ZDHHC3: variants seen among roughly 807,000 people sequenced by gnomAD.
ZDHHC3 encodes zDHHC palmitoyltransferase 3.
ZDHHC3 carries 9 observed loss-of-function variants against 30.6 expected under a neutral mutation model. The ratio of observed to expected loss-of-function variants is 0.29; its 90% CI spans 0.18 to 0.51. ZDHHC3 has a LOEUF of 0.51. Ranked by LOEUF, ZDHHC3 falls within the 20% of genes least tolerant of loss-of-function variation. The pLI, the probability that ZDHHC3 is intolerant of heterozygous loss-of-function variation, is 0.97. For missense variants in ZDHHC3, 246 were observed against 384.2 expected, an observed-to-expected ratio of 0.64 and a Z score of 3.01; for synonymous variants, 136 against 140.2, an observed-to-expected ratio of 0.97 and a Z score of 0.21.
chr3:44,949,671 C>A (rs763415477), intron 2 of ZDHHC3, among the ~76,000 whole-genome samples: 8 of 152,126 alleles, frequency 5.3e-5, no homozygotes, highest in Non-Finnish European at 1.0e-4. Context: ...AGACATCCAA[C>A]GGGCCACCAG....
rs1223625640 is a variant in ZDHHC3 at position 44,918,435 on chromosome 3, T to G, written c.*8254A>C. ...ACCACCCAGCCCTCCCCTTCTTTCC[T>G]TCCACAAGTGCAATGCCAGATGATG... On this transcript the variant is annotated 3_prime_UTR_variant, in exon 7 of 7. Transcript: ENST00000424952. 1 of 985,274 alleles carries G rather than the reference T, an allele frequency of 1.0e-6. No individual in the cohort carries two copies. The highest frequency in any genetic ancestry group is 1.1e-4 in the East Asian group (1 of 8,820). 61.0% of individuals were successfully genotyped at this position (985,274 alleles called of 1,614,324 possible).
Position 44,951,441 on chromosome 3 carries a change from C to T in ZDHHC3, c.307-6149G>A, listed in dbSNP as rs1480828504. On this transcript the variant is annotated intron_variant, in intron 2 of 6. Transcript: ENST00000424952. ...TCCCCTTAGTAGGTAGCCCAAACTTCTAGTACCTTCCTTGACCCCTGCCCA... is the reference window on the plus strand; with the variant it reads ...TCCCCTTAGTAGGTAGCCCAAACTTTTAGTACCTTCCTTGACCCCTGCCCA... 2.0e-5 allele frequency among the ~76,000 whole-genome samples: 3 copies of T among 152,180 alleles called. 1 individual carries two copies. The highest frequency in any genetic ancestry group is 1.5e-5 in the Non-Finnish European group (1 of 68,038).
intron 3 of ZDHHC3, among the ~76,000 whole-genome samples, chr3:44,939,195 G>C (rs2125846677): frequency 6.6e-6 from 1 of 152,338 alleles, no homozygotes; most frequent in East Asian, 1.9e-4. Context: ...AGACACAAAA[G>C]GGACATGGAG....
rs1575763104 is a variant in ZDHHC3 at position 44,923,576 on chromosome 3, A to G, written c.*3113T>C. On this transcript the variant is annotated 3_prime_UTR_variant, in exon 7 of 7. Coordinates refer to ENST00000424952, the MANE Select transcript of ZDHHC3 (RefSeq NM_001135179.2). ...CAGGACTTTGGGAGGCTAAGGCAGG[A>G]AAATTGCTGGAGGCCGGGCATTTGA... 1 of 981,678 alleles carries G rather than the reference A, an allele frequency of 1.0e-6. No individual in the cohort carries two copies. Among genetic ancestry groups the G allele is most frequent in the Non-Finnish European group, 1.2e-6 (1 of 826,600 alleles). The allele number at this position is 981,678 out of a possible 1,614,324, so 60.8% of individuals were successfully genotyped here.
chr3:44,938,537 T>C (rs1250575284), intron 3 of ZDHHC3: 3 of 153,128 alleles, frequency 2.0e-5, no homozygotes, highest in Non-Finnish European at 4.4e-5. Flanking sequence ...AAAATAAAAA[T>C]AAATAAAAAT....
At position 44,921,771 on chromosome 3, in the gene ZDHHC3, G is replaced by A. The variant is rs1700609937; in HGVS notation, c.*4918C>T. On this transcript the variant is annotated 3_prime_UTR_variant, in exon 7 of 7. Coordinates refer to ENST00000424952, the MANE Select transcript of ZDHHC3 (RefSeq NM_001135179.2). The stretch of plus-strand genomic sequence containing the variant: ...AAGGTCATATTTTGGTAGTAGGTGC[G>A]GTAATAAGTAGCCAAGCAGACATTT... 3 of 977,434 alleles carry A rather than the reference G, an allele frequency of 3.1e-6. No individual in the cohort carries two copies. Among genetic ancestry groups the A allele is most frequent in the South Asian group, 4.7e-5 (1 of 21,082 alleles). 60.5% of individuals were successfully genotyped at this position (977,434 alleles called of 1,614,324 possible).
rs1352717048 is a variant in ZDHHC3 at position 44,918,186 on chromosome 3, G to T, written c.*8503C>A. The T allele has an allele frequency of 7.8e-7, 1 of 1,281,476 alleles. No individual in the cohort carries two copies. Among genetic ancestry groups the T allele is most frequent in the Admixed American group, 2.4e-5 (1 of 42,546 alleles). The allele number at this position is 1,281,476 out of a possible 1,614,324, so 79.4% of individuals were successfully genotyped here. On this transcript the variant is annotated 3_prime_UTR_variant, in exon 7 of 7. Transcript: ENST00000424952. The stretch of plus-strand genomic sequence containing the variant: ...TGAAGAACATCGTCAGCGTGGTGCT[G>T]GGCTGTACAGCTCACATAGACACCC...
chr3:44,945,270 G>A lies in ZDHHC3; in HGVS notation c.329C>T (p.Ala110Val), dbSNP rs867163234. ...TAAACTCTCGATGAATTCTTTAGTG[G>A]CATTTCCTTTGGGCACTGCCCCCTG... ...TDPGAVPKGN[A>V]TKEFIESLQL... Residue 110 changes from alanine (A) to valine (V), a missense_variant, in exon 3 of 7, where the codon GCC becomes GTC. Coordinates refer to ENST00000424952, the MANE Select transcript of ZDHHC3 (RefSeq NM_001135179.2). The A allele has an allele frequency of 6.2e-7, 1 of 1,614,194 alleles. No individual in the cohort carries two copies. The highest frequency in any genetic ancestry group is 8.5e-7 in the Non-Finnish European group (1 of 1,180,038).
rs1212650960 is a variant in ZDHHC3 at position 44,922,971 on chromosome 3, GAA to G, written c.*3716_*3717del. The G allele has an allele frequency of 1.0e-6, 1 of 985,168 alleles. No homozygotes were observed. Among genetic ancestry groups the G allele is most frequent in the Admixed American group, 6.2e-5 (1 of 16,242 alleles). 61.0% of individuals were successfully genotyped at this position (985,168 alleles called of 1,614,324 possible). ...TTTAAGCTGATGCACTGCAAGTCTT[GAA>G]AAGAGAGAAATTTAAAACCCATTAG... On this transcript the variant is annotated 3_prime_UTR_variant, in exon 7 of 7. Transcript: ENST00000424952.
Position 44,922,489 on chromosome 3 carries a change from T to C in ZDHHC3, c.*4200A>G, listed in dbSNP as rs1700663588. The C allele has an allele frequency of 1.0e-6, 1 of 985,424 alleles. No homozygotes were observed. 61.0% of individuals were successfully genotyped at this position (985,424 alleles called of 1,614,324 possible). ...CTTTGATGTCTTGGCAGTTGTTTGT[T>C]GGGGAGGCCGCAGCTTATGAGGGAA... On this transcript the variant is annotated 3_prime_UTR_variant, in exon 7 of 7. Coordinates refer to ENST00000424952, the MANE Select transcript of ZDHHC3 (RefSeq NM_001135179.2).
At chr3:44,955,251 G>C (rs1284181216) in intron 2 of ZDHHC3, among the ~76,000 whole-genome samples, 1 of 152,042 alleles carries the variant, frequency 6.6e-6, no homozygotes, top group African/African-American at 2.4e-5. Context: ...ACTTCCAAGG[G>C]GGCTGTTTAC....
Position 44,918,777 on chromosome 3 carries a change from C to T in ZDHHC3, c.*7912G>A, listed in dbSNP as rs773786191. On this transcript the variant is annotated 3_prime_UTR_variant, in exon 7 of 7. Transcript: ENST00000424952. ...AGCAGATCCACCCTGCAGCCTCTTC[C>T]AAGCTGTCAACTCACCTGCCTCTGG... The T allele has an allele frequency of 3.2e-5, 32 of 986,934 alleles. No individual in the cohort carries two copies. The highest frequency in any genetic ancestry group is 3.7e-5 in the Non-Finnish European group (31 of 831,018). 61.1% of individuals were successfully genotyped at this position (986,934 alleles called of 1,614,324 possible).
rs1282478483 is a variant in ZDHHC3 at position 44,923,083 on chromosome 3, T to G, written c.*3606A>C. The G allele has an allele frequency of 1.0e-6, 1 of 969,592 alleles. No homozygotes were observed. Among genetic ancestry groups the G allele is most frequent in the Non-Finnish European group, 1.2e-6 (1 of 816,324 alleles). The allele number at this position is 969,592 out of a possible 1,614,324, so 60.1% of individuals were successfully genotyped here. On this transcript the variant is annotated 3_prime_UTR_variant, in exon 7 of 7. Coordinates refer to ENST00000424952, the MANE Select transcript of ZDHHC3 (RefSeq NM_001135179.2). ...TCACATACATGTTTAAAATGTTTGT[T>G]TTTTTTTTTTGAGACGGAGTCTCAC...
At chr3:44,935,496 G>A (rs943131711) in intron 3 of ZDHHC3, among the ~76,000 whole-genome samples, 6 of 152,122 alleles carry the variant, frequency 3.9e-5, no homozygotes, top group Non-Finnish European at 5.9e-5. Context: ...TCCTGAGCTC[G>A]AGCAATCCAC....
At chr3:44,950,399 C>G (rs1479109640) in intron 2 of ZDHHC3, among the ~76,000 whole-genome samples, 1 of 152,198 alleles carries the variant, frequency 6.6e-6, no homozygotes, top group Admixed American at 6.5e-5. Flanking sequence ...GTATAAAAGA[C>G]TGCAAGAGGA....
intron 2 of ZDHHC3, among the ~76,000 whole-genome samples, chr3:44,957,470 T>C (rs1704051924): frequency 6.6e-6 from 1 of 152,206 alleles, no homozygotes; most frequent in African/African-American, 2.4e-5. Flanking sequence ...TTAAGATGTG[T>C]TGAAAATCCT....
At position 44,917,806 on chromosome 3, in the gene ZDHHC3, G is replaced by C. The variant is rs367804094; in HGVS notation, c.*8883C>G. ...GGGAAGCACTGGGGGTGCTGGGAGCGCACCATGCCCATAAGCCCCTTTAGC... is the reference window on the plus strand; with the variant it reads ...GGGAAGCACTGGGGGTGCTGGGAGCCCACCATGCCCATAAGCCCCTTTAGC... On this transcript the variant is annotated 3_prime_UTR_variant, in exon 7 of 7. Coordinates refer to ENST00000424952, the MANE Select transcript of ZDHHC3 (RefSeq NM_001135179.2). The C allele has an allele frequency of 4.0e-6, 5 of 1,238,962 alleles. No individual in the cohort carries two copies. The highest frequency in any genetic ancestry group is 5.2e-6 in the Non-Finnish European group (5 of 957,660). 76.7% of individuals were successfully genotyped at this position (1,238,962 alleles called of 1,614,324 possible).
At position 44,923,298 on chromosome 3, in the gene ZDHHC3, G is replaced by C. The variant is rs770799294; in HGVS notation, c.*3391C>G. ...TCACCGTGTTAGCCAGGATGATCTC[G>C]ATCTCTTGACCTCGTGATCTGCCCG... On this transcript the variant is annotated 3_prime_UTR_variant, in exon 7 of 7. Coordinates refer to ENST00000424952, the MANE Select transcript of ZDHHC3 (RefSeq NM_001135179.2). 2.0e-5 allele frequency: 19 copies of C among 958,158 alleles called. No individual in the cohort carries two copies. The highest frequency in any genetic ancestry group is 2.0e-5 in the Non-Finnish European group (16 of 805,426). 59.4% of individuals were successfully genotyped at this position (958,158 alleles called of 1,614,324 possible). A position where few individuals can be genotyped will look rare whatever the true frequency, so the allele number is the denominator to read the frequency against.
chr3:44,922,093 T>A lies in ZDHHC3; in HGVS notation c.*4596A>T. Reference sequence around the variant, plus strand: ...GAGGGTGAGAAAAAGAAGGTTCAGGTTGGGAGTACGCTGGTCAGTGGCTTG... The same window carrying A: ...GAGGGTGAGAAAAAGAAGGTTCAGGATGGGAGTACGCTGGTCAGTGGCTTG... On this transcript the variant is annotated 3_prime_UTR_variant, in exon 7 of 7. Coordinates refer to ENST00000424952, the MANE Select transcript of ZDHHC3 (RefSeq NM_001135179.2). 1.0e-6 allele frequency: 1 copy of A among 985,388 alleles called. No homozygotes were observed. Among genetic ancestry groups the A allele is most frequent in the Non-Finnish European group, 1.2e-6 (1 of 829,920 alleles). The allele number at this position is 985,388 out of a possible 1,614,324, so 61.0% of individuals were successfully genotyped here.
Sources: allele counts gnomAD v4.1 joint callset (sites outside exome capture counted in the v4.1 genomes callset), GRCh38; gene constraint gnomAD v4.1.1; transcripts MANE v1.5; gene names NCBI Gene and HGNC (gene_info 2026-07-23, HGNC 2026-07-21).